VPS13A: variants seen among roughly 807,000 people sequenced by gnomAD.
VPS13A encodes vacuolar protein sorting 13 homolog A.
VPS13A carries 264 observed loss-of-function variants against 390.9 expected under a neutral mutation model. The observed-to-expected ratio is 0.68, with a 90% CI of 0.61 to 0.75. VPS13A has a LOEUF of 0.75. Among genes scored for constraint, VPS13A ranks in the 30% least tolerant of loss-of-function variants. The pLI is 0.00. For missense variants in VPS13A, 3,409 were observed against 3,733.9 expected (o/e 0.91, Z 2.27); for synonymous variants, 1,231 against 1,227.1 (o/e 1.00, Z -0.07).
intron 27 of VPS13A, among the ~76,000 whole-genome samples, chr9:77,281,337 A>G (rs2131345305): frequency 6.6e-6 from 1 of 152,316 alleles, no homozygotes; most frequent in Non-Finnish European, 1.5e-5. Context: ...GGTGACAGAT[A>G]TGTTAGTTAG....
chr9:77,345,245 A>AGTGT, intron 52 of VPS13A, 103 bp downstream of exon 52: 1 of 1,262,848 alleles, frequency 7.9e-7, no homozygotes, highest in Non-Finnish European at 1.1e-6. Context: ...TGATAATAGC[A>AGTGT]TTGTAGCTGT....
chr9:77,218,435 T>G (rs1378135125), intron 10 of VPS13A, among the ~76,000 whole-genome samples: 1 of 152,048 alleles, frequency 6.6e-6, no homozygotes, highest in Admixed American at 6.5e-5. Flanking sequence ...TTTAATGGAG[T>G]TGAGTTTTTT....
At chr9:77,287,365 C>G (rs1827395049) in intron 31 of VPS13A, among the ~76,000 whole-genome samples, 1 of 151,652 alleles carries the variant, frequency 6.6e-6, no homozygotes, top group Non-Finnish European at 1.5e-5. Flanking sequence ...CCAGGCCCAG[C>G]TGATTTTTGT....
intron 1 of VPS13A, among the ~76,000 whole-genome samples, chr9:77,188,559 G>T (rs1824484515): frequency 6.6e-6 from 1 of 152,158 alleles, no homozygotes; most frequent in Middle Eastern, 3.2e-3. Context: ...CTATTGTGAA[G>T]TGGTGCTGTG....
rs758882558 is a variant in VPS13A, at chr9:77,321,195, T to G, written c.5442T>G (p.Ile1814Met). ...TGAAAAAGAAAGCAAAAATGGCCAT[T>G]GTTGAGTCAGATCCTGAAGAAGAAA... ...IKMKKKAKMA[I>M]VESDPEEENY... is the part of the protein sequence containing the mutation. Residue 1814 changes from isoleucine to methionine, a missense_variant, in exon 43 of 72, where the codon ATT becomes ATG. Physicochemically the swap from Ile to Met is conservative, Grantham distance 10. Transcript: ENST00000360280. 1.9e-6 allele frequency: 3 copies of G among 1,612,420 alleles called. No homozygotes were observed. The African/African-American group carries it at 4.0e-5, about 22-fold the overall frequency.
intron 58 of VPS13A, 74 bp downstream of exon 58, chr9:77,359,476 A>G (rs949428051): frequency 7.8e-7 from 1 of 1,283,076 alleles, no homozygotes; most frequent in Non-Finnish European, 1.1e-6. Context: ...TGTACTCTTT[A>G]AATGTTGGAC....
At chr9:77,256,136 A>G (rs914471215) in intron 22 of VPS13A, among the ~76,000 whole-genome samples, 6 of 152,166 alleles carry the variant, frequency 3.9e-5, no homozygotes, top group Admixed American at 1.3e-4. Context: ...TTACAGCTAT[A>G]AAGTCCGCTT....
chr9:77,279,114 G>A (rs1274349587), intron 26 of VPS13A, among the ~76,000 whole-genome samples: 2 of 152,204 alleles, frequency 1.3e-5, no homozygotes, highest in East Asian at 1.9e-4. Flanking sequence ...CTTCCTTATC[G>A]CAAGGGCAGG....
chr9:77,414,598 G>C (rs1349736492), intron 71 of VPS13A, among the ~76,000 whole-genome samples: 1 of 152,002 alleles, frequency 6.6e-6, no homozygotes, highest in Non-Finnish European at 1.5e-5. Flanking sequence ...ATGGGATGGG[G>C]GGAGGGAGGA....
rs1372651083 is a variant in VPS13A at position 77,421,201 on chromosome 9, ATATC to A, written c.*5199_*5202del. The A allele has an allele frequency of 6.6e-6, 1 of 152,224 alleles. No homozygotes were observed. Among genetic ancestry groups the A allele is most frequent in the East Asian group, 1.9e-4 (1 of 5,192 alleles). 9.4% of individuals were successfully genotyped at this position (152,224 alleles called of 1,614,324 possible). On this transcript the variant is annotated 3_prime_UTR_variant, in exon 72 of 72. Transcript: ENST00000360280. Reference sequence around the variant, plus strand: ...GTCATTGATTATGATAATTTTAAAAATATCTATTTCTGCATCGCTGCAGGATTTC... The same window carrying A: ...GTCATTGATTATGATAATTTTAAAAATATTTCTGCATCGCTGCAGGATTTC...
At chr9:77,210,543 C>T in intron 6 of VPS13A, 73 bp from the exon 7 acceptor site, 1 of 1,463,546 alleles carries the variant, frequency 6.8e-7, no homozygotes, top group Non-Finnish European at 9.5e-7. Context: ...TGCACATTGA[C>T]AGTTTTTTCT....
intron 3 of VPS13A, among the ~76,000 whole-genome samples, chr9:77,202,493 T>A (rs1291568967): frequency 6.6e-6 from 1 of 152,160 alleles, no homozygotes; most frequent in African/African-American, 2.4e-5. Flanking sequence ...TCATTTATTC[T>A]GTACCATAAT....
chr9:77,320,496 C>T (rs762677893), intron 42 of VPS13A, among the ~76,000 whole-genome samples: 21 of 152,098 alleles, frequency 1.4e-4, no homozygotes, highest in Non-Finnish European at 2.1e-4. Context: ...GTGTTTCCTA[C>T]CTAATAATGA....
At chr9:77,389,481 AT>A (rs1373325872) in intron 68 of VPS13A, among the ~76,000 whole-genome samples, 1 of 151,620 alleles carries the variant, frequency 6.6e-6, no homozygotes, top group East Asian at 1.9e-4. Context: ...AATTTTTTAA[AT>A]TTTTTCGTAG....
At chr9:77,384,414 C>T (rs1833593805) in intron 68 of VPS13A, among the ~76,000 whole-genome samples, 1 of 151,680 alleles carries the variant, frequency 6.6e-6, no homozygotes, top group African/African-American at 2.4e-5. Context: ...TGTCTTAGGT[C>T]TATTAAGTTA....
chr9:77,295,430 T>C (rs907812359), intron 32 of VPS13A, 112 bp from the exon 33 acceptor site: 2 of 881,342 alleles, frequency 2.3e-6, no homozygotes, highest in Non-Finnish European at 3.2e-6. Flanking sequence ...AATGCTTGGT[T>C]GTATCAAGTA....
intron 19 of VPS13A, among the ~76,000 whole-genome samples, chr9:77,241,642 C>G (rs1824505955): frequency 6.6e-6 from 1 of 151,858 alleles, no homozygotes; most frequent in South Asian, 2.1e-4. Flanking sequence ...GCTCATTTTC[C>G]TTAGAATATT....
chr9:77,357,832 A>G lies in VPS13A; in HGVS notation c.7947A>G (p.Arg2649=), dbSNP rs1232035020. 1.2e-6 allele frequency: 2 copies of G among 1,613,406 alleles called. No individual in the cohort carries two copies. The highest frequency in any genetic ancestry group is 1.7e-6 in the Non-Finnish European group (2 of 1,179,642). Residue 2649 remains arginine, a synonymous_variant, in exon 56 of 72, where the codon AGA becomes AGG. Coordinates refer to ENST00000360280, the MANE Select transcript of VPS13A (RefSeq NM_033305.3). ...CATCATTTAGAATTCAGATTTACAG[A>G]ATACAGGTAAGTCTTTCTGAAAATA... is the stretch of plus-strand genomic sequence containing the variant. ...HQSSFRIQIY[R]IQIQNQIHGA... is the part of the protein sequence containing the mutation.
At chr9:77,377,312 C>T (rs1157335010) in intron 67 of VPS13A, among the ~76,000 whole-genome samples, 10 of 148,688 alleles carry the variant, frequency 6.7e-5, no homozygotes, top group African/African-American at 9.9e-5. Context: ...CTCCGCTTCC[C>T]GGGTTCACGC....
Sources: gnomAD v4.1 joint callset for allele counts (sites outside exome capture counted in the v4.1 genomes callset) on GRCh38, gnomAD v4.1.1 for gene constraint, MANE v1.5 for transcripts, NCBI Gene and HGNC (gene_info 2026-07-23, HGNC 2026-07-21) for gene names.